Variants in KCNK10 observed in about 807,000 individuals in gnomAD.
KCNK10 encodes potassium two pore domain channel subfamily K member 10.
A neutral mutation model predicts 47.7 loss-of-function variants in KCNK10; 25 were observed. That is an observed-to-expected ratio of 0.52 (90% CI 0.38 to 0.73). KCNK10 has a LOEUF of 0.73. KCNK10 is among the 30% of genes least tolerant of loss of function. KCNK10 has a pLI of 0.00. For missense variants in KCNK10, 563 were observed against 714.5 expected (o/e 0.79, Z 2.42); for synonymous variants, 303 against 285.6 (o/e 1.06, Z -0.61).
intron 4 of KCNK10, among the ~76,000 whole-genome samples, chr14:88,203,412 C>G (rs574805328): frequency 6.6e-6 from 1 of 152,356 alleles, no homozygotes; most frequent in African/African-American, 2.4e-5. Flanking sequence ...GCAACAGCTA[C>G]TCCTGGAGGT....
At chr14:88,267,703 T>C (rs1386728352) in intron 1 of KCNK10, among the ~76,000 whole-genome samples, 2 of 152,202 alleles carry the variant, frequency 1.3e-5, no homozygotes, top group South Asian at 2.1e-4. Context: ...GGCATTTTCA[T>C]TAATCCATTT....
rs1451735930 is a variant in KCNK10 at position 88,183,003 on chromosome 14, T to C, written c.*2532A>G. On this transcript the variant is annotated 3_prime_UTR_variant, in exon 7 of 7. Coordinates refer to ENST00000319231, the MANE Select transcript of KCNK10 (RefSeq NM_138317.3). ...TTGGTGGTGGAGATTCCACCATATC[T>C]GCTCCCCACATCTGTAAGCTGTGTC... 1.3e-5 allele frequency: 2 copies of C among 152,332 alleles called. No individual in the cohort carries two copies. The highest frequency in any genetic ancestry group is 2.9e-5 in the Non-Finnish European group (2 of 68,042). The allele number at this position is 152,332 out of a possible 1,614,324, so 9.4% of individuals were successfully genotyped here. A position where few individuals can be genotyped will look rare whatever the true frequency, so the allele number is the denominator to read the frequency against.
chr14:88,291,577 C>T (rs1208938678), intron 1 of KCNK10, among the ~76,000 whole-genome samples: 1 of 152,176 alleles, frequency 6.6e-6, no homozygotes, highest in East Asian at 1.9e-4. Flanking sequence ...TCTGGAACCC[C>T]AGCTGGGTGC....
chr14:88,322,653 C>A lies in KCNK10; in HGVS notation c.52+94G>T. 6.5e-7 allele frequency: 1 copy of A among 1,545,374 alleles called. No homozygotes were observed. The highest frequency in any genetic ancestry group is 8.9e-7 in the Non-Finnish European group (1 of 1,119,692). ...GCGCATTTCCCAGCCTCAGGACACA[C>A]GCTGCCAGAAGCAAGAGTGCTTCCA... On this transcript the variant is annotated intron_variant, in intron 1 of 6. Transcript: ENST00000319231. This position sits in a 1 kb window ranked among gnomAD's most constrained non-coding sequence, Gnocchi z 4.8.
intron 2 of KCNK10, among the ~76,000 whole-genome samples, chr14:88,244,047 A>G (rs749983046): frequency 7.2e-5 from 11 of 152,124 alleles, no homozygotes; most frequent in Admixed American, 1.3e-4. Flanking sequence ...GCAAGACTCA[A>G]TGAAAAGGAG....
chr14:88,326,371 C>G, upstream of KCNK10: 1 of 1,553,136 alleles, frequency 6.4e-7, no homozygotes, highest in Non-Finnish European at 8.9e-7. Flanking sequence ...CCCCCTCCAT[C>G]CCCTTCGGTT....
At chr14:88,204,803 C>T (rs1885213339) in intron 4 of KCNK10, among the ~76,000 whole-genome samples, 1 of 152,154 alleles carries the variant, frequency 6.6e-6, no homozygotes, top group African/African-American at 2.4e-5. Context: ...CATATAGCCC[C>T]CGCCCCAAAC....
intron 4 of KCNK10, among the ~76,000 whole-genome samples, chr14:88,226,895 A>G (rs2139871770): frequency 6.6e-6 from 1 of 152,326 alleles, no homozygotes; most frequent in East Asian, 1.9e-4. Flanking sequence ...GAGAGAGACC[A>G]TTAGGAGACA....
intron 1 of KCNK10, among the ~76,000 whole-genome samples, chr14:88,294,650 C>T (rs562697002): frequency 1.3e-5 from 2 of 152,154 alleles, no homozygotes; most frequent in African/African-American, 2.4e-5. Flanking sequence ...AATATACAAA[C>T]GTCCTCATAG....
At chr14:88,315,440 G>A (rs1381010829) in intron 1 of KCNK10, among the ~76,000 whole-genome samples, 5 of 152,192 alleles carry the variant, frequency 3.3e-5, no homozygotes, top group East Asian at 1.9e-4. Context: ...CTCAGAGGAC[G>A]AAGTAAGTGA....
rs537422740 is a variant in KCNK10, at chr14:88,244,721, C to A, written c.403-3901G>T. 2.6e-5 allele frequency among the ~76,000 whole-genome samples: 4 copies of A among 152,118 alleles called. No homozygotes were observed. The South Asian group carries it at 8.3e-4, about 32-fold the overall frequency. On this transcript the variant is annotated intron_variant, in intron 2 of 6. Transcript: ENST00000319231. ...TCAGGCTGCAGAAGTGAATGGAGGG[C>A]AGCCCATTAGAATGTATGAGCACAC...
At chr14:88,307,974 C>A (rs916975673) in intron 1 of KCNK10, among the ~76,000 whole-genome samples, 1 of 152,074 alleles carries the variant, frequency 6.6e-6, no homozygotes, top group Non-Finnish European at 1.5e-5. Flanking sequence ...GTACTTTTAT[C>A]ATTTCCGGTT....
chr14:88,304,028 CA>C (rs1183545836), intron 1 of KCNK10, among the ~76,000 whole-genome samples: 1 of 152,070 alleles, frequency 6.6e-6, no homozygotes, highest in Non-Finnish European at 1.5e-5. Context: ...CAATAGCAAT[CA>C]AAAAGCCTGG....
intron 1 of KCNK10, among the ~76,000 whole-genome samples, chr14:88,311,378 C>A (rs966502728): frequency 5.9e-5 from 9 of 152,178 alleles, no homozygotes; most frequent in Admixed American, 1.3e-4. Context: ...CTATGCCCTA[C>A]ATGACCTGAG....
chr14:88,227,630 C>G (rs1595092225), intron 3 of KCNK10, 95 bp from the exon 4 acceptor site: 2 of 1,184,272 alleles, frequency 1.7e-6, no homozygotes, highest in East Asian at 4.7e-5. Context: ...TACATTCCCC[C>G]ACCTTATGAG....
chr14:88,310,091 T>C (rs540889661), intron 1 of KCNK10, among the ~76,000 whole-genome samples: 5 of 139,698 alleles, frequency 3.6e-5, no homozygotes, highest in Admixed American at 2.2e-4. Flanking sequence ...TTTGTTACCC[T>C]GAGGAACTAC....
intron 4 of KCNK10, among the ~76,000 whole-genome samples, chr14:88,194,577 CT>C (rs1169155168): frequency 1.3e-5 from 2 of 152,112 alleles, no homozygotes; most frequent in African/African-American, 4.8e-5. Context: ...CAAAAGAGGA[CT>C]GCAAGTACGT....
chr14:88,190,131 A>G (rs527477477), intron 5 of KCNK10, among the ~76,000 whole-genome samples: 70 of 152,300 alleles, frequency 4.6e-4, no homozygotes, highest in African/African-American at 1.6e-3. Flanking sequence ...GATAACAAAT[A>G]ATAAAAGCAT....
chr14:88,309,707 T>A (rs925329870), intron 1 of KCNK10, among the ~76,000 whole-genome samples: 14 of 152,216 alleles, frequency 9.2e-5, no homozygotes, highest in Non-Finnish European at 2.1e-4. Context: ...TACGGGTTCA[T>A]AGATATGCTT....
Sources: gnomAD v4.1 joint callset for allele counts (sites outside exome capture counted in the v4.1 genomes callset) on GRCh38, gnomAD v4.1.1 for gene constraint, Gnocchi (gnomAD v3.1) non-coding constraint, MANE v1.5 for transcripts, NCBI Gene and HGNC (gene_info 2026-07-23, HGNC 2026-07-21) for gene names.